EXOC4: variants seen among roughly 807,000 people sequenced by gnomAD.
EXOC4 encodes the protein exocyst complex component 4, also known as SEC8-like 1.
EXOC4 carries 71 observed loss-of-function variants against 107.2 expected under a neutral mutation model. That is an observed-to-expected ratio of 0.66 (90% CI 0.55 to 0.81). The LOEUF is 0.81. Ranked by LOEUF, EXOC4 falls within the 30% of genes least tolerant of loss-of-function variation. The pLI is 0.00. For synonymous variants in EXOC4, 456 were observed against 441.2 expected (o/e 1.03, Z -0.42); for missense variants, 1,108 against 1,189.6 (o/e 0.93, Z 1.01).
intron 7 of EXOC4, among the ~76,000 whole-genome samples, chr7:133,394,637 CTA>C (rs1422459879): frequency 2.0e-5 from 3 of 152,112 alleles, no homozygotes; most frequent in Non-Finnish European, 4.4e-5. Context: ...AACTCCTGAC[CTA>C]CTATACAGAA....
chr7:133,773,108 G>T (rs1796277607), intron 10 of EXOC4, among the ~76,000 whole-genome samples: 1 of 152,014 alleles, frequency 6.6e-6, no homozygotes, highest in African/African-American at 2.4e-5. Flanking sequence ...CCTGGAGCTT[G>T]TAAGTGCCTC....
At chr7:133,377,914 A>G (rs1356190931) in intron 7 of EXOC4, among the ~76,000 whole-genome samples, 1 of 152,216 alleles carries the variant, frequency 6.6e-6, no homozygotes, top group Non-Finnish European at 1.5e-5. Context: ...ATTTTGTGTT[A>G]CCGAAAATAT....
intron 2 of EXOC4, among the ~76,000 whole-genome samples, chr7:133,279,022 A>G (rs927458699): frequency 2.1e-5 from 3 of 144,168 alleles, no homozygotes; most frequent in African/African-American, 7.9e-5. Flanking sequence ...TCCTGTGTCC[A>G]TGTGTTCTCA....
intron 10 of EXOC4, among the ~76,000 whole-genome samples, chr7:133,682,100 G>A (rs960827693): frequency 6.6e-6 from 1 of 152,030 alleles, no homozygotes; most frequent in Non-Finnish European, 1.5e-5. Flanking sequence ...ATCTTGCCCT[G>A]TTGCCCAGGC....
chr7:133,448,240 A>G (rs540346097), intron 7 of EXOC4, among the ~76,000 whole-genome samples: 1 of 152,152 alleles, frequency 6.6e-6, no homozygotes. Flanking sequence ...GGGAAACCCC[A>G]CCAGTCCTAT....
chr7:133,486,208 C>T (rs1799267343), intron 9 of EXOC4, among the ~76,000 whole-genome samples: 2 of 152,072 alleles, frequency 1.3e-5, no homozygotes, highest in Non-Finnish European at 2.9e-5. Flanking sequence ...GTTTTTCTCT[C>T]TAATGGGTTG....
chr7:133,739,043 G>A (rs1795505859), intron 10 of EXOC4, among the ~76,000 whole-genome samples: 1 of 152,146 alleles, frequency 6.6e-6, no homozygotes, highest in African/African-American at 2.4e-5. Context: ...TAATATAAAT[G>A]TAAATTATTT....
chr7:133,739,219 G>A (rs1795509627), intron 10 of EXOC4, among the ~76,000 whole-genome samples: 1 of 101,440 alleles, frequency 9.9e-6, no homozygotes, highest in South Asian at 4.2e-4. Context: ...CATGTAGAGG[G>A]GTTTGTGTGT....
chr7:133,800,034 TCCATCCACCCAC>T (rs1796902324), intron 10 of EXOC4, among the ~76,000 whole-genome samples: 1 of 148,488 alleles, frequency 6.7e-6, no homozygotes, highest in Admixed American at 6.7e-5. Context: ...CATCCATCCA[TCCATCCACCCAC>T]CCACCCACCC....
chr7:133,980,375 T>C (rs1438771409), intron 14 of EXOC4, among the ~76,000 whole-genome samples: 1 of 152,264 alleles, frequency 6.6e-6, no homozygotes, highest in African/African-American at 2.4e-5. Flanking sequence ...GAGCACTTAC[T>C]GTGTGCCGAA....
At position 133,901,165 on chromosome 7, in the gene EXOC4, T is replaced by C. The variant is rs558462332; in HGVS notation, c.1871+5430T>C. 5.3e-5 allele frequency among the ~76,000 whole-genome samples: 8 copies of C among 152,298 alleles called. No homozygotes were observed. In the East Asian group the frequency reaches 1.4e-3, roughly 26 times the overall value. On this transcript the variant is annotated intron_variant, in intron 12 of 17. Coordinates refer to ENST00000253861, the MANE Select transcript of EXOC4 (RefSeq NM_021807.4). ...GATTACAGGCATGAGCCACCATGCC[T>C]GGCCAAATTTAATGTTATTTTTAAG...
intron 11 of EXOC4, among the ~76,000 whole-genome samples, chr7:133,824,587 G>A (rs1487895593): frequency 6.6e-6 from 1 of 152,106 alleles, no homozygotes; most frequent in African/African-American, 2.4e-5. Context: ...GTTTCCTAGG[G>A]CTGCCATGAT....
chr7:133,745,729 T>TC lies in EXOC4; in HGVS notation c.1515-71594dup, dbSNP rs376514002. ...GTTACTCTTTTTTTTTTTTTTTTTT[T>TC]CCTGTTTGGGTTACTTATCACAATC... On this transcript the variant is annotated intron_variant, in intron 10 of 17. Transcript: ENST00000253861. Among the ~76,000 whole-genome samples the TC allele has an allele frequency of 1.6e-3, 218 of 138,512 alleles. 1 individual carries two copies. Among genetic ancestry groups the TC allele is most frequent in the Middle Eastern group, 4.0e-3 (1 of 252 alleles). The allele number at this position is 138,512 out of a possible 152,430, so 90.9% of individuals were successfully genotyped here.
At chr7:133,462,272 C>T (rs1264493749) in intron 7 of EXOC4, among the ~76,000 whole-genome samples, 1 of 152,088 alleles carries the variant, frequency 6.6e-6, no homozygotes, top group East Asian at 1.9e-4. Context: ...TCACAGGTTC[C>T]CTGTAACCTC....
At chr7:133,763,804 G>A (rs1014680303) in intron 10 of EXOC4, among the ~76,000 whole-genome samples, 32 of 151,810 alleles carry the variant, frequency 2.1e-4, no homozygotes, top group South Asian at 2.1e-4. Flanking sequence ...GGAAACTTGC[G>A]GAAAGGACTA....
At chr7:133,393,890 A>G (rs1387693351) in intron 7 of EXOC4, among the ~76,000 whole-genome samples, 1 of 152,236 alleles carries the variant, frequency 6.6e-6, no homozygotes, top group African/African-American at 2.4e-5. Context: ...TGAACTTTGT[A>G]GATTTAAAAA....
At chr7:133,998,582 G>A (rs1453691135) in intron 15 of EXOC4, among the ~76,000 whole-genome samples, 1 of 152,116 alleles carries the variant, frequency 6.6e-6, no homozygotes, top group African/African-American at 2.4e-5. Flanking sequence ...CAAGCTGGGT[G>A]GGGAGGACTG....
At chr7:133,907,351 G>A (rs1361488204) in intron 12 of EXOC4, among the ~76,000 whole-genome samples, 1 of 148,200 alleles carries the variant, frequency 6.7e-6, no homozygotes, top group Non-Finnish European at 1.5e-5. Flanking sequence ...TATTTCATTA[G>A]TTATTGGTTT....
At chr7:133,570,257 T>C (rs1800994211) in intron 9 of EXOC4, among the ~76,000 whole-genome samples, 1 of 152,164 alleles carries the variant, frequency 6.6e-6, no homozygotes, top group Non-Finnish European at 1.5e-5. Flanking sequence ...CTTTTTAGAC[T>C]GAAGATTGGG....
Sources: gnomAD v4.1 joint callset for allele counts (sites outside exome capture counted in the v4.1 genomes callset) on GRCh38, gnomAD v4.1.1 for gene constraint, MANE v1.5 for transcripts, NCBI Gene and HGNC (gene_info 2026-07-23, HGNC 2026-07-21) for gene names.